ESPL1: variants seen among roughly 807,000 people sequenced by gnomAD.
ESPL1 encodes separin.
Under a neutral mutation model 217.2 loss-of-function variants are expected in ESPL1, and 50 were observed. The observed-to-expected ratio is 0.23, with a 90% CI of 0.18 to 0.29. ESPL1 has a LOEUF of 0.29. Ranked by LOEUF, ESPL1 falls within the 10% of genes least tolerant of loss-of-function variation. ESPL1 has a pLI of 1.00. For missense variants in ESPL1, 1,834 were observed against 2,603.0 expected, an observed-to-expected ratio of 0.70 and a Z score of 6.43; for synonymous variants, 994 against 1,081.3, an observed-to-expected ratio of 0.92 and a Z score of 1.58.
intron 11 of ESPL1, among the ~76,000 whole-genome samples, chr12:53,278,338 G>A (rs1044536137): frequency 1.3e-5 from 2 of 151,918 alleles, no homozygotes; most frequent in Admixed American, 1.3e-4. Context: ...ATAGCCCGGT[G>A]CGGTGGCATG....
chr12:53,273,286 G>A (rs990095164), intron 6 of ESPL1, among the ~76,000 whole-genome samples: 4 of 150,468 alleles, frequency 2.7e-5, no homozygotes, highest in Non-Finnish European at 5.9e-5. Flanking sequence ...CAGGTGATCC[G>A]CCTGCCTCAG....
In ESPL1 at chr12:53,282,989, A is replaced by G; in HGVS notation, c.2792-140A>G. 1 of 1,105,086 alleles carries G rather than the reference A, an allele frequency of 9.0e-7. No individual in the cohort carries two copies. Among genetic ancestry groups the G allele is most frequent in the Non-Finnish European group, 1.3e-6 (1 of 765,920 alleles). The allele number at this position is 1,105,086 out of a possible 1,614,324, so 68.5% of individuals were successfully genotyped here. On this transcript the variant is annotated intron_variant, in intron 14 of 30. Coordinates refer to ENST00000257934, the MANE Select transcript of ESPL1 (RefSeq NM_012291.5). The surrounding 1 kb of genome is among the most constrained non-coding windows in gnomAD (Gnocchi z 4.0). ...ATTCTGAGACCCCAGGGGATCTCAG[A>G]GGGAAGGAGTTATGAGATTGATTAG...
chr12:53,293,058 C>G lies in ESPL1; in HGVS notation c.6161+88C>G. On this transcript the variant is annotated intron_variant, in intron 30 of 30. Transcript: ENST00000257934. This position sits in a 1 kb window ranked among gnomAD's most constrained non-coding sequence, Gnocchi z 4.2. ...TTTCCCAGGTCTGAATCTTGCCTCT[C>G]TTGTGCCCCATTTTCCTCCTATCCT... The G allele has an allele frequency of 7.5e-7, 1 of 1,325,278 alleles. No homozygotes were observed. The highest frequency in any genetic ancestry group is 1.0e-6 in the Non-Finnish European group (1 of 958,226). 82.1% of individuals were successfully genotyped at this position (1,325,278 alleles called of 1,614,324 possible). A position where few individuals can be genotyped will look rare whatever the true frequency, so the allele number is the denominator to read the frequency against.
At chr12:53,289,796 T>C (rs998632405) in intron 22 of ESPL1, 1 of 611,338 alleles carries the variant, frequency 1.6e-6, no homozygotes, top group African/African-American at 1.8e-5. Context: ...GCAAATTCAG[T>C]GTCTTTCCTC....
Position 53,269,862 on chromosome 12 carries a change from G to A in ESPL1, c.920G>A (p.Gly307Glu). 6.2e-7 allele frequency: 1 copy of A among 1,614,210 alleles called. No individual in the cohort carries two copies. The highest frequency in any genetic ancestry group is 8.5e-7 in the Non-Finnish European group (1 of 1,180,036). The change falls in exon 3 of 31, where the codon GGA becomes GAA. Residue 307 changes from glycine (G) to glutamate (E), a missense_variant. This residue lies in a region of ESPL1 where 746 missense variants were observed against 1,077.0 expected (regional missense o/e 0.69). Transcript: ENST00000257934. The surrounding 1 kb of genome is among the most constrained non-coding windows in gnomAD (Gnocchi z 6.7). Reference protein sequence around the residue: ...GVKLLQVGEEGPQAVAKLLIK... With the variant: ...GVKLLQVGEEEPQAVAKLLIK... The stretch of plus-strand genomic sequence containing the variant: ...AAGCTGCTGCAGGTTGGGGAGGAAG[G>A]ACCTCAGGCAGTGGCCAAGCTTCTG...
In ESPL1 at chr12:53,288,525, G is replaced by C; in HGVS notation, c.4547-13G>C. The C allele has an allele frequency of 6.2e-7, 1 of 1,603,710 alleles. No homozygotes were observed. Among genetic ancestry groups the C allele is most frequent in the Non-Finnish European group, 8.5e-7 (1 of 1,175,826 alleles). On this transcript the variant is annotated splice_polypyrimidine_tract_variant and intron_variant, in intron 19 of 30. Transcript: ENST00000257934. ...GGAGGGAGCACTGTGAAAAAGGCCTGCTCTCTCCCCAGGTGGGAAGACTCC... is the reference window on the plus strand; with the variant it reads ...GGAGGGAGCACTGTGAAAAAGGCCTCCTCTCTCCCCAGGTGGGAAGACTCC...
chr12:53,286,665 C>A lies in ESPL1; in HGVS notation c.3929C>A (p.Thr1310Asn), dbSNP rs200942440. 6.2e-7 allele frequency: 1 copy of A among 1,614,196 alleles called. No homozygotes were observed. The highest frequency in any genetic ancestry group is 8.5e-7 in the Non-Finnish European group (1 of 1,180,040). ...KSVPGSEPSKTQGQKRSGRGR... is the reference protein window; with the variant it reads ...KSVPGSEPSKNQGQKRSGRGR... ...GTCCCTGGCTCAGAGCCCTCTAAGA[C>A]TCAGGGCCAAAAACGTTCTGGACGA... is the stretch of plus-strand genomic sequence containing the variant. The change falls in exon 18 of 31, where the codon ACT becomes AAT. Residue 1310 changes from threonine (T) to asparagine (N), a missense_variant. Transcript: ENST00000257934. The surrounding 1 kb of genome is among the most constrained non-coding windows in gnomAD (Gnocchi z 5.3).
Position 53,277,497 on chromosome 12 carries a change from G to A in ESPL1, c.2113G>A (p.Ala705Thr), listed in dbSNP as rs771535923. The change falls in exon 10 of 31, where the codon GCC (alanine) becomes ACC (threonine). Residue 705 changes from alanine to threonine, a missense_variant. Transcript: ENST00000257934. Reference protein sequence around the residue: ...EGIERDRRAQAPGNLEEFEVN... With the variant: ...EGIERDRRAQTPGNLEEFEVN... ...TATCGAGCGGGATCGGAGAGCCCAG[G>A]CCCCTGGTAACTTGGAGGAATTTGA... 1.9e-6 allele frequency: 3 copies of A among 1,614,066 alleles called. No individual in the cohort carries two copies. Among genetic ancestry groups the A allele is most frequent in the Non-Finnish European group, 2.5e-6 (3 of 1,180,042 alleles).
chr12:53,280,018 C>A, intron 12 of ESPL1, 152 bp downstream of exon 12: 1 of 860,016 alleles, frequency 1.2e-6, no homozygotes, highest in Admixed American at 3.3e-5. Context: ...CAGTTGGAGG[C>A]AGCTGTAAGA....
intron 22 of ESPL1, 123 bp from the exon 23 acceptor site, chr12:53,289,961 AC>A (rs1456583137): frequency 9.5e-7 from 1 of 1,050,762 alleles, no homozygotes; most frequent in Admixed American, 2.3e-5. Flanking sequence ...GAGCACCTTG[AC>A]CTCTAGTGAC....
chr12:53,279,961 T>C, intron 12 of ESPL1, 95 bp downstream of exon 12: 1 of 1,395,902 alleles, frequency 7.2e-7, no homozygotes, highest in South Asian at 1.4e-5. Context: ...GGGCAGCTTC[T>C]CGGCCTTTTA....
chr12:53,285,068 C>G (rs1943924485), intron 17 of ESPL1, among the ~76,000 whole-genome samples: 1 of 151,354 alleles, frequency 6.6e-6, no homozygotes, highest in Admixed American at 6.6e-5. Context: ...GAATTCAGTC[C>G]TCAGTCACAC....
At position 53,279,821 on chromosome 12, in the gene ESPL1, C is replaced by T; in HGVS notation, c.2454C>T (p.His818=). ...DHSKAAGSSC[H]ITQLLLTLGC... ...CGAAGGCAGCTGGCTCCTCCTGCCA[C>T]ATCACCCAGCTCCTCCTGACCCTCG... Residue 818 remains histidine, a synonymous_variant, in exon 12 of 31, where the codon CAC becomes CAT. Coordinates refer to ENST00000257934, the MANE Select transcript of ESPL1 (RefSeq NM_012291.5). The T allele has an allele frequency of 6.2e-7, 1 of 1,611,870 alleles. No homozygotes were observed. Among genetic ancestry groups the T allele is most frequent in the African/African-American group, 1.3e-5 (1 of 74,976 alleles).
At chr12:53,283,298 A>G (rs1258658738) in intron 15 of ESPL1, 41 bp downstream of exon 15, 1 of 1,612,162 alleles carries the variant, frequency 6.2e-7, no homozygotes, top group South Asian at 1.1e-5. Context: ...TGGAATGGAC[A>G]GGCTATGTGA....
rs190584320 is a variant in ESPL1, at chr12:53,286,903, G to A, written c.4167G>A (p.Thr1389=). Residue 1389 remains threonine (T), a synonymous_variant, in exon 18 of 31, where the codon ACG becomes ACA. Coordinates refer to ENST00000257934, the MANE Select transcript of ESPL1 (RefSeq NM_012291.5). This position sits in a 1 kb window ranked among gnomAD's most constrained non-coding sequence, Gnocchi z 5.3. ...CCAGGGTACAACAGAGAGTCCAGAC[G>A]CGCCTCAAGGTGAGGTGGGACTGTT... ...QAPRVQQRVQ[T]RLKVNFSDDS... The A allele has an allele frequency of 3.6e-5, 58 of 1,593,538 alleles. No individual in the cohort carries two copies. In the Admixed American group the frequency reaches 6.2e-4, roughly 17 times the overall value.
At chr12:53,291,098 C>T (rs1944049604) in intron 25 of ESPL1, 102 bp downstream of exon 25, 3 of 1,011,282 alleles carry the variant, frequency 3.0e-6, no homozygotes, top group Non-Finnish European at 1.4e-6. Flanking sequence ...AGCTCAGGAG[C>T]TCGAGACCAG....
In ESPL1 at chr12:53,277,138, G is replaced by A. The variant is rs1943780909; in HGVS notation, c.1996G>A (p.Glu666Lys). 1.9e-6 allele frequency: 3 copies of A among 1,614,220 alleles called. No individual in the cohort carries two copies. The highest frequency in any genetic ancestry group is 2.5e-6 in the Non-Finnish European group (3 of 1,180,014). ...GCAGCTTCTGGACTCTGTGAGGCCT[G>A]AGGCCCAGGCCAGAGATCAGCTTCT... is the stretch of plus-strand genomic sequence containing the variant. ...ALQLLDSVRP[E>K]AQARDQLLDD... The change falls in exon 9 of 31, where the codon GAG becomes AAG. Residue 666 changes from glutamate to lysine, a missense_variant. Physicochemically the swap from Glu to Lys is moderately conservative, Grantham distance 56 (BLOSUM62 1). Transcript: ENST00000257934.
At chr12:53,285,085 C>T (rs1943924712) in intron 17 of ESPL1, among the ~76,000 whole-genome samples, 2 of 151,402 alleles carry the variant, frequency 1.3e-5, no homozygotes, top group African/African-American at 4.9e-5. Context: ...ACACTAGCCA[C>T]ACTTCATGTG....
chr12:53,283,575 CCAAA>C, intron 16 of ESPL1, 37 bp downstream of exon 16: 3 of 1,588,920 alleles, frequency 1.9e-6, no homozygotes, highest in South Asian at 1.1e-5. Flanking sequence ...AATGATGGCA[CCAAA>C]GTGCCATGCA....
Sources: allele counts gnomAD v4.1 joint callset (sites outside exome capture counted in the v4.1 genomes callset), GRCh38; gene constraint gnomAD v4.1.1; regional missense constraint gnomAD v4.1.1; non-coding constraint Gnocchi (gnomAD v3.1); transcripts MANE v1.5; gene names NCBI Gene and HGNC (gene_info 2026-07-23, HGNC 2026-07-21).